CNTNAP2: variants seen among roughly 807,000 people sequenced by gnomAD.
CNTNAP2 encodes contactin-associated protein-like 2.
Under a neutral mutation model 155.2 loss-of-function variants are expected in CNTNAP2, and 98 were observed. The observed-to-expected ratio is 0.63, with a 90% CI of 0.54 to 0.75. The LOEUF (loss-of-function observed/expected upper bound fraction) is 0.75, where lower values mean the gene tolerates loss of function less well. Ranked by LOEUF, CNTNAP2 falls within the 30% of genes least tolerant of loss-of-function variation. The pLI is 0.00. For synonymous variants in CNTNAP2, 651 were observed against 631.2 expected (o/e 1.03, Z -0.47); for missense variants, 1,727 against 1,688.1 (o/e 1.02, Z -0.40).
chr7:146,340,030 A>T (rs1380645980), intron 1 of CNTNAP2, among the ~76,000 whole-genome samples: 1 of 151,862 alleles, frequency 6.6e-6, no homozygotes, highest in Non-Finnish European at 1.5e-5. Flanking sequence ...TTAGCCGGGC[A>T]TGGTGGTGGG....
intron 1 of CNTNAP2, among the ~76,000 whole-genome samples, chr7:146,545,907 T>G (rs2129141808): frequency 6.6e-6 from 1 of 152,072 alleles, no homozygotes; most frequent in Middle Eastern, 3.4e-3. Flanking sequence ...CTATTTACAA[T>G]ATTCAGAGGT....
chr7:146,730,077 G>A (rs1801497743), intron 1 of CNTNAP2, among the ~76,000 whole-genome samples: 1 of 152,092 alleles, frequency 6.6e-6, no homozygotes, highest in Non-Finnish European at 1.5e-5. Context: ...CAGCTATTGA[G>A]TTGAGGTTTC....
At chr7:147,186,055 T>G (rs987413198) in intron 8 of CNTNAP2, among the ~76,000 whole-genome samples, 1 of 152,200 alleles carries the variant, frequency 6.6e-6, no homozygotes, top group African/African-American at 2.4e-5. Context: ...ACGTCTTTAT[T>G]AGCAGTATGA....
intron 3 of CNTNAP2, among the ~76,000 whole-genome samples, chr7:146,876,703 T>C (rs1795436163): frequency 6.6e-6 from 1 of 152,180 alleles, no homozygotes; most frequent in Non-Finnish European, 1.5e-5. Flanking sequence ...CCCTGGGTCA[T>C]TGGATCAACG....
At chr7:147,207,662 GT>G (rs921414354) in intron 8 of CNTNAP2, among the ~76,000 whole-genome samples, 9 of 151,938 alleles carry the variant, frequency 5.9e-5, no homozygotes, top group South Asian at 2.1e-4. Context: ...AGTTCTATAA[GT>G]TTTTTTAGCT....
chr7:146,423,343 AAATG>A (rs2129114661), intron 1 of CNTNAP2, among the ~76,000 whole-genome samples: 2 of 152,270 alleles, frequency 1.3e-5, no homozygotes, highest in East Asian at 3.9e-4. Flanking sequence ...ATTTTTCTGA[AAATG>A]AATATTACAG....
intron 13 of CNTNAP2, among the ~76,000 whole-genome samples, chr7:147,736,390 A>C (rs865968377): frequency 0.012 from 1,817 of 152,304 alleles, 25 homozygotes; most frequent in Non-Finnish European, 0.015. Flanking sequence ...CCAAGAGATC[A>C]GCTGTTAGTC....
chr7:147,301,279 A>T (rs1219605851), intron 9 of CNTNAP2, among the ~76,000 whole-genome samples: 1 of 152,184 alleles, frequency 6.6e-6, no homozygotes, highest in East Asian at 1.9e-4. Flanking sequence ...GACCTGTCAC[A>T]TTTTCTAATT....
intron 13 of CNTNAP2, among the ~76,000 whole-genome samples, chr7:147,702,056 T>C (rs1359724336): frequency 1.2e-4 from 7 of 59,272 alleles, no homozygotes; most frequent in Non-Finnish European, 2.1e-4. Context: ...CTTTGGTTGG[T>C]TTTTTTTTTT....
At chr7:147,283,843 T>C (rs1356130700) in intron 8 of CNTNAP2, among the ~76,000 whole-genome samples, 5 of 151,946 alleles carry the variant, frequency 3.3e-5, no homozygotes, top group African/African-American at 4.8e-5. Context: ...TTTTACCTGG[T>C]AAAAGATCTT....
chr7:146,618,575 A>G (rs182292751), intron 1 of CNTNAP2, among the ~76,000 whole-genome samples: 21 of 152,208 alleles, frequency 1.4e-4, no homozygotes, highest in Admixed American at 3.3e-4. Context: ...GATTTCTAAA[A>G]TTCAATCCTA....
chr7:146,924,251 A>T (rs535836141), intron 3 of CNTNAP2, among the ~76,000 whole-genome samples: 14 of 151,856 alleles, frequency 9.2e-5, no homozygotes, highest in Admixed American at 3.9e-4. Flanking sequence ...GATTTTTTTT[A>T]AATTTTTATC....
intron 11 of CNTNAP2, among the ~76,000 whole-genome samples, chr7:147,514,640 G>A (rs1190006690): frequency 1.4e-5 from 2 of 146,542 alleles, no homozygotes; most frequent in Admixed American, 1.3e-4. Context: ...AAAATAATAA[G>A]GTGTTTTGCT....
At chr7:147,792,951 G>C (rs910717900) in intron 13 of CNTNAP2, among the ~76,000 whole-genome samples, 1 of 152,054 alleles carries the variant, frequency 6.6e-6, no homozygotes, top group Non-Finnish European at 1.5e-5. Context: ...GATGACTAAT[G>C]ATGGGCATCT....
At chr7:147,474,074 C>T (rs1191489096) in intron 10 of CNTNAP2, among the ~76,000 whole-genome samples, 10 of 150,460 alleles carry the variant, frequency 6.6e-5, no homozygotes, top group Non-Finnish European at 1.2e-4. Flanking sequence ...TACGAAACTC[C>T]GTCTCTAAAA....
chr7:147,087,136 C>G (rs913426388), intron 4 of CNTNAP2, among the ~76,000 whole-genome samples: 1 of 152,110 alleles, frequency 6.6e-6, no homozygotes, highest in Non-Finnish European at 1.5e-5. Context: ...TTTTATTAAC[C>G]GTTCTCTGGG....
At chr7:147,220,193 G>A (rs1803363784) in intron 8 of CNTNAP2, among the ~76,000 whole-genome samples, 1 of 151,892 alleles carries the variant, frequency 6.6e-6, no homozygotes, top group Admixed American at 6.5e-5. Context: ...CAGCAGTTAT[G>A]GCCAATAATT....
At chr7:147,793,126 T>A (rs1797845465) in intron 13 of CNTNAP2, among the ~76,000 whole-genome samples, 1 of 152,168 alleles carries the variant, frequency 6.6e-6, no homozygotes, top group African/African-American at 2.4e-5. Flanking sequence ...AAATTTATCA[T>A]CTGTGTGTTG....
intron 10 of CNTNAP2, among the ~76,000 whole-genome samples, chr7:147,446,415 C>A (rs765371037): frequency 3.3e-5 from 5 of 152,128 alleles, no homozygotes; most frequent in Non-Finnish European, 7.4e-5. Context: ...AAAGTGGTTG[C>A]TGGTTTGAAA....
Sources: allele counts gnomAD v4.1 joint callset (sites outside exome capture counted in the v4.1 genomes callset), GRCh38; gene constraint gnomAD v4.1.1; transcripts MANE v1.5; gene names NCBI Gene and HGNC (gene_info 2026-07-23, HGNC 2026-07-21).